Variants in PHEX observed in about 807,000 individuals in gnomAD.
PHEX encodes the protein phosphate regulating endopeptidase X-linked.
In PHEX, 16 loss-of-function variants were observed where a neutral mutation model predicts 68.0. That is an observed-to-expected ratio of 0.24 (90% CI 0.16 to 0.36). The LOEUF is 0.36. PHEX is among the 10% of genes least tolerant of loss of function. PHEX has a pLI of 1.00. For missense variants in PHEX, 480 were observed against 575.5 expected (o/e 0.83, Z 1.70); for synonymous variants, 208 against 205.1 (o/e 1.01, Z -0.12).
intron 7 of PHEX, among the ~76,000 whole-genome samples, chrX:22,094,722 C>T (rs756367957): frequency 3.6e-5 from 4 of 112,144 alleles, no homozygotes; most frequent in Admixed American, 9.5e-5. Context: ...ATATACATGA[C>T]ACAGAACTAC....
intron 11 of PHEX, among the ~76,000 whole-genome samples, chrX:22,126,300 G>A (rs186311581): frequency 7.1e-4 from 80 of 112,077 alleles, no homozygotes; most frequent in African/African-American, 2.5e-3. Context: ...GTATTATTCT[G>A]ATTTTAAGCC....
At chrX:22,113,047 GTGTGTGTT>G (rs1488633860) in intron 10 of PHEX, among the ~76,000 whole-genome samples, 1 of 90,301 alleles carries the variant, frequency 1.1e-5, no homozygotes, top group Non-Finnish European at 1.9e-5. Flanking sequence ...GTGTGTGTGT[GTGTGTGTT>G]TGTGTGTATT....
At chrX:22,170,708 A>C (rs1055523031) in intron 13 of PHEX, among the ~76,000 whole-genome samples, 1 of 112,340 alleles carries the variant, frequency 8.9e-6, no homozygotes, top group Non-Finnish European at 1.9e-5. Flanking sequence ...GAGCAGTCTC[A>C]AGCTTTAATC....
chrX:22,123,994 G>A (rs942371409), intron 11 of PHEX, among the ~76,000 whole-genome samples: 2 of 109,345 alleles, frequency 1.8e-5, no homozygotes, highest in Non-Finnish European at 1.9e-5. Flanking sequence ...ACCTCGCCTG[G>A]CTAATTTTTT....
chrX:22,182,705 T>C (rs1000818076), intron 14 of PHEX, among the ~76,000 whole-genome samples: 1 of 110,426 alleles, frequency 9.1e-6, no homozygotes, highest in African/African-American at 3.3e-5. Flanking sequence ...TCATCCTCTA[T>C]GTTGGCCATT....
chrX:22,208,600 G>A (rs1471839534), intron 15 of PHEX, among the ~76,000 whole-genome samples: 2 of 112,008 alleles, frequency 1.8e-5, no homozygotes, highest in East Asian at 2.8e-4. Context: ...CAGACCAGCC[G>A]CATCTGCATC....
At chrX:22,060,903 G>T (rs1283253971) in intron 3 of PHEX, among the ~76,000 whole-genome samples, 1 of 111,672 alleles carries the variant, frequency 9.0e-6, no homozygotes, top group African/African-American at 3.3e-5. Context: ...TGTTCAGAAG[G>T]ATTGCATATT....
At chrX:22,229,643 C>T (rs551359835) in intron 20 of PHEX, among the ~76,000 whole-genome samples, 10 of 112,189 alleles carry the variant, frequency 8.9e-5, no homozygotes, top group African/African-American at 3.2e-4. Flanking sequence ...GATACTAGCC[C>T]TTTGTCAAAT....
intron 20 of PHEX, among the ~76,000 whole-genome samples, chrX:22,236,293 T>G (rs144954387): frequency 0.02 from 2,259 of 112,435 alleles, 51 homozygotes; most frequent in African/African-American, 0.069. Context: ...TTTATCTTTC[T>G]TACTTTCATT....
chrX:22,044,739 T>TAATAAAA (rs780954987), intron 2 of PHEX, among the ~76,000 whole-genome samples: 17,363 of 87,099 alleles, frequency 0.2, 1,134 homozygotes, highest in Middle Eastern at 0.27. Flanking sequence ...AATAAATAAA[T>TAATAAAA]AATAAAAAAT....
chrX:22,063,723 C>T (rs1240293559), intron 3 of PHEX, among the ~76,000 whole-genome samples: 1 of 112,313 alleles, frequency 8.9e-6, no homozygotes, highest in Non-Finnish European at 1.9e-5. Flanking sequence ...CTCATCTCAC[C>T]CGGAGGTTCA....
At chrX:22,142,081 T>G (rs1241971735) in intron 12 of PHEX, among the ~76,000 whole-genome samples, 1 of 111,427 alleles carries the variant, frequency 9.0e-6, no homozygotes, top group Non-Finnish European at 1.9e-5. Context: ...TGAAACCCTG[T>G]CTCTACTAAA....
chrX:22,210,501 C>CT (rs1934885854), intron 15 of PHEX, among the ~76,000 whole-genome samples: 1 of 111,692 alleles, frequency 9.0e-6, no homozygotes, highest in South Asian at 3.7e-4. Context: ...AATATCATTG[C>CT]TTTTTGATGA....
chrX:22,123,768 C>G (rs1196234730), intron 11 of PHEX, among the ~76,000 whole-genome samples: 1 of 110,285 alleles, frequency 9.1e-6, no homozygotes, highest in East Asian at 2.8e-4. Flanking sequence ...CCAAGTCTGG[C>G]TCATACAAGA....
chrX:22,053,727 A>G (rs1414954988), intron 3 of PHEX, among the ~76,000 whole-genome samples: 3 of 112,104 alleles, frequency 2.7e-5, no homozygotes, highest in Non-Finnish European at 5.6e-5. Flanking sequence ...CGGCCAGATC[A>G]TCTCTATTAC....
At position 22,136,053 on chromosome X, in the gene PHEX, TC is replaced by T. The variant is rs1328770188; in HGVS notation, c.1404+2433del. Among the ~76,000 whole-genome samples the T allele has an allele frequency of 2.5e-4, 26 of 102,308 alleles. No homozygotes were observed. The South Asian group carries it at 0.01, about 41-fold the overall frequency. The allele number at this position is 102,308 out of a possible 115,157, so 88.8% of individuals were successfully genotyped here. Reference sequence around the variant, plus strand: ...AAGATGTAAATTTTTTTTTTTTTTTTCCCCTCAAAATTAAATGAACATGCAG... The same window carrying T: ...AAGATGTAAATTTTTTTTTTTTTTTTCCCTCAAAATTAAATGAACATGCAG... On this transcript the variant is annotated intron_variant, in intron 12 of 21. Transcript: ENST00000379374.
intron 15 of PHEX, among the ~76,000 whole-genome samples, chrX:22,194,282 C>T (rs537237311): frequency 8.9e-6 from 1 of 112,201 alleles, no homozygotes; most frequent in Admixed American, 9.4e-5. Context: ...TTGTAAATTA[C>T]ATTCCCAGGC....
intron 12 of PHEX, among the ~76,000 whole-genome samples, chrX:22,159,889 CGAG>C (rs1365709500): frequency 2.7e-5 from 3 of 112,143 alleles, no homozygotes; most frequent in Non-Finnish European, 5.6e-5. Flanking sequence ...ATTCTACAGA[CGAG>C]GAACCTGAGG....
chrX:22,059,750 C>T (rs926844398), intron 3 of PHEX, among the ~76,000 whole-genome samples: 1 of 111,478 alleles, frequency 9.0e-6, no homozygotes, highest in Admixed American at 9.6e-5. Context: ...TTGACTATTA[C>T]GTGGCCTCAT....
Sources: allele counts gnomAD v4.1 joint callset (sites outside exome capture counted in the v4.1 genomes callset), GRCh38; gene constraint gnomAD v4.1.1; transcripts MANE v1.5; gene names NCBI Gene and HGNC (gene_info 2026-07-23, HGNC 2026-07-21).